The following CSMD3 variants were observed in gnomAD, a reference collection of about 807,000 sequenced individuals.
CSMD3 encodes the protein CUB and sushi domain-containing protein 3.
CSMD3 carries 177 observed loss-of-function variants against 435.2 expected under a neutral mutation model. The observed-to-expected ratio is 0.41, with a 90% CI of 0.36 to 0.46. The LOEUF is 0.46. CSMD3 is among the 20% of genes least tolerant of loss of function. The probability of loss-of-function intolerance (pLI) is 0.34; values close to 1 mark genes in which losing one functional copy is unlikely to be tolerated. For missense variants in CSMD3, 4,265 were observed against 4,504.6 expected, an observed-to-expected ratio of 0.95 and a Z score of 1.52; for synonymous variants, 1,656 against 1,520.5, an observed-to-expected ratio of 1.09 and a Z score of -2.07.
chr8:113,332,534 T>C (rs974002962), intron 1 of CSMD3, among the ~76,000 whole-genome samples: 1 of 151,660 alleles, frequency 6.6e-6, no homozygotes, highest in Non-Finnish European at 1.5e-5. Flanking sequence ...TCATTCACAA[T>C]AGTGCAAAGA....
chr8:112,921,236 G>C (rs1333916460), intron 10 of CSMD3, among the ~76,000 whole-genome samples: 1 of 151,926 alleles, frequency 6.6e-6, no homozygotes, highest in African/African-American at 2.4e-5. Flanking sequence ...TACCTTGACT[G>C]CTACCAAGTA....
In CSMD3 at chr8:112,336,558, C is replaced by T. The variant is rs546899619; in HGVS notation, c.7019+94G>A. ...TCACATCAATTCAAATATCAGATGA[C>T]AATTTGTAACAGAGGATTGTGATAT... On this transcript the variant is annotated intron_variant, in intron 44 of 70. Transcript: ENST00000297405. 5.3e-5 allele frequency: 52 copies of T among 981,454 alleles called. No individual in the cohort carries two copies. The South Asian group carries it at 6.7e-4, about 13-fold the overall frequency. The allele number at this position is 981,454 out of a possible 1,614,324, so 60.8% of individuals were successfully genotyped here.
intron 3 of CSMD3, among the ~76,000 whole-genome samples, chr8:113,253,876 T>C (rs1298102943): frequency 1.3e-5 from 2 of 151,954 alleles, no homozygotes; most frequent in Non-Finnish European, 1.5e-5. Flanking sequence ...ATGAAACTTA[T>C]GTCCTCGCTG....
At chr8:112,746,223 G>A (rs1456255915) in intron 13 of CSMD3, among the ~76,000 whole-genome samples, 3 of 152,122 alleles carry the variant, frequency 2.0e-5, no homozygotes, top group African/African-American at 4.8e-5. Context: ...GTAGAGATAG[G>A]AGTTCACCCC....
chr8:113,321,690 A>C (rs1294234935), intron 1 of CSMD3, among the ~76,000 whole-genome samples: 1 of 152,162 alleles, frequency 6.6e-6, no homozygotes, highest in Non-Finnish European at 1.5e-5. Flanking sequence ...TTCCTCTACC[A>C]TTTCTTTGCC....
At chr8:112,486,170 G>T (rs538487743) in intron 31 of CSMD3, among the ~76,000 whole-genome samples, 1 of 151,258 alleles carries the variant, frequency 6.6e-6, no homozygotes, top group Admixed American at 6.6e-5. Context: ...TTAGCCTGGA[G>T]GAAGATTTCA....
intron 22 of CSMD3, among the ~76,000 whole-genome samples, chr8:112,630,717 G>T (rs141313390): frequency 2.1e-3 from 326 of 152,146 alleles, no homozygotes; most frequent in African/African-American, 7.2e-3. Context: ...ACAATTTCTA[G>T]CTTGGATGAT....
intron 11 of CSMD3, among the ~76,000 whole-genome samples, chr8:112,835,062 AGGTTTG>A (rs2079982863): frequency 6.6e-6 from 1 of 151,740 alleles, no homozygotes; most frequent in Non-Finnish European, 1.5e-5. Flanking sequence ...TTGCTTATTG[AGGTTTG>A]AATTAAAACA....
intron 2 of CSMD3, among the ~76,000 whole-genome samples, chr8:113,285,042 G>C (rs1054485719): frequency 6.6e-6 from 1 of 152,140 alleles, no homozygotes; most frequent in Non-Finnish European, 1.5e-5. Context: ...TCCCATAAGA[G>C]AAATGATTTT....
At chr8:112,550,627 C>T (rs1169682836) in intron 27 of CSMD3, 44 bp downstream of exon 27, 1 of 1,022,994 alleles carries the variant, frequency 9.8e-7, no homozygotes, top group Non-Finnish European at 1.6e-6. Context: ...CTATTTACAT[C>T]ACCTTCCTAT....
intron 38 of CSMD3, among the ~76,000 whole-genome samples, chr8:112,363,079 C>T (rs1036150559): frequency 6.6e-6 from 1 of 151,954 alleles, no homozygotes; most frequent in Non-Finnish European, 1.5e-5. Flanking sequence ...AAGACCACAA[C>T]CTTTTGTGTG....
chr8:112,780,823 G>A (rs2078365427), intron 13 of CSMD3, among the ~76,000 whole-genome samples: 2 of 152,056 alleles, frequency 1.3e-5, no homozygotes, highest in South Asian at 4.1e-4. Context: ...ATCTGAGTTT[G>A]GACTAGCCCT....
intron 11 of CSMD3, among the ~76,000 whole-genome samples, chr8:112,842,315 C>T (rs945674181): frequency 7.9e-5 from 12 of 151,784 alleles, no homozygotes; most frequent in African/African-American, 2.7e-4. Context: ...CCTATTCTGA[C>T]TTAGAAGCAT....
At chr8:112,994,057 C>A (rs1303119761) in intron 6 of CSMD3, among the ~76,000 whole-genome samples, 3 of 151,554 alleles carry the variant, frequency 2.0e-5, no homozygotes, top group Non-Finnish European at 3.0e-5. Context: ...AGAGATTACA[C>A]CAAGGAAGAA....
chr8:113,291,112 T>C (rs1354922814), intron 2 of CSMD3, among the ~76,000 whole-genome samples: 1 of 151,588 alleles, frequency 6.6e-6, no homozygotes, highest in East Asian at 1.9e-4. Flanking sequence ...GATTTACTAA[T>C]ATGAGAAATG....
rs371134311 is a variant in CSMD3 at position 112,255,479 on chromosome 8, T to C, written c.9863-52A>G. 2.0e-6 allele frequency: 3 copies of C among 1,534,526 alleles called. No homozygotes were observed. In the African/African-American group the frequency reaches 4.1e-5, roughly 21 times the overall value. ...ATCAAAGATTTAGTATACAGCAGAG[T>C]ACACAGTTTGGAAAAATGGTGACAA... On this transcript the variant is annotated intron_variant, in intron 61 of 70. Transcript: ENST00000297405.
chr8:112,709,355 C>T lies in CSMD3; in HGVS notation c.1973-19305G>A, dbSNP rs532064278. ...ATTTTCTAAAGCTTATTTGACCCCGCGGCCATCTGTTCACTGAGTATCTCT... is the reference window on the plus strand; with the variant it reads ...ATTTTCTAAAGCTTATTTGACCCCGTGGCCATCTGTTCACTGAGTATCTCT... On this transcript the variant is annotated intron_variant, in intron 13 of 70. Transcript: ENST00000297405. Among the ~76,000 whole-genome samples, 11 of 152,088 alleles carry T rather than the reference C, an allele frequency of 7.2e-5. 1 individual carries two copies. Among genetic ancestry groups the T allele is most frequent in the Admixed American group, 2.0e-4 (3 of 15,250 alleles).
intron 13 of CSMD3, among the ~76,000 whole-genome samples, chr8:112,774,770 T>C (rs2078205786): frequency 6.6e-6 from 1 of 152,036 alleles, no homozygotes; most frequent in South Asian, 2.1e-4. Flanking sequence ...GGCTTCTATC[T>C]TTTCTGTATA....
intron 28 of CSMD3, among the ~76,000 whole-genome samples, chr8:112,509,097 T>C (rs1380052857): frequency 6.6e-6 from 1 of 151,628 alleles, no homozygotes; most frequent in Admixed American, 6.6e-5. Context: ...TTTTTTTTTT[T>C]TTTTTTCGAT....
Sources: allele counts gnomAD v4.1 joint callset (sites outside exome capture counted in the v4.1 genomes callset), GRCh38; gene constraint gnomAD v4.1.1; transcripts MANE v1.5; gene names NCBI Gene and HGNC (gene_info 2026-07-23, HGNC 2026-07-21).